Variants in GRIA1 observed in about 807,000 individuals in gnomAD.
GRIA1 encodes the protein glutamate ionotropic receptor AMPA type subunit 1.
GRIA1 carries 31 observed loss-of-function variants against 99.2 expected under a neutral mutation model. The ratio of observed to expected loss-of-function variants is 0.31; its 90% CI spans 0.23 to 0.42. GRIA1 has a LOEUF of 0.42. Ranked by LOEUF, GRIA1 falls within the 10% of genes least tolerant of loss-of-function variation. The pLI is 1.00. For synonymous variants in GRIA1, 438 were observed against 432.4 expected (o/e 1.01, Z -0.16); for missense variants, 782 against 1,157.5 (o/e 0.68, Z 4.71).
chr5:153,557,623 T>C (rs1298132146), intron 2 of GRIA1, among the ~76,000 whole-genome samples: 1 of 152,240 alleles, frequency 6.6e-6, no homozygotes, highest in East Asian at 1.9e-4. Flanking sequence ...TTTGTTACTT[T>C]TTAAACTTTT....
chr5:153,795,322 A>G (rs1383403407), intron 14 of GRIA1, among the ~76,000 whole-genome samples: 1 of 152,020 alleles, frequency 6.6e-6, no homozygotes, highest in Non-Finnish European at 1.5e-5. Flanking sequence ...GGGCAGTGAC[A>G]TGGTGGGGCG....
At chr5:153,796,140 A>G (rs1166755087) in intron 14 of GRIA1, among the ~76,000 whole-genome samples, 1 of 151,150 alleles carries the variant, frequency 6.6e-6, no homozygotes, top group East Asian at 2.0e-4. Flanking sequence ...AGGGTTCTCC[A>G]TCCAGGTACA....
intron 2 of GRIA1, among the ~76,000 whole-genome samples, chr5:153,558,840 G>A (rs534417721): frequency 2.0e-4 from 30 of 152,000 alleles, no homozygotes; most frequent in African/African-American, 6.5e-4. Flanking sequence ...AGCTTTTGTC[G>A]GATTCCCAAA....
chr5:153,759,169 A>G (rs1763016074), intron 11 of GRIA1, among the ~76,000 whole-genome samples: 1 of 151,668 alleles, frequency 6.6e-6, no homozygotes, highest in African/African-American at 2.4e-5. Context: ...AAGACCAAAA[A>G]AAAAAACAGA....
chr5:153,792,876 G>C (rs1236209370), intron 13 of GRIA1, among the ~76,000 whole-genome samples: 1 of 152,178 alleles, frequency 6.6e-6, no homozygotes, highest in African/African-American at 2.4e-5. Flanking sequence ...AATGGAAATT[G>C]CTTTCCCAGC....
chr5:153,703,039 G>A (rs1038227831), intron 10 of GRIA1, among the ~76,000 whole-genome samples: 2 of 152,212 alleles, frequency 1.3e-5, no homozygotes, highest in African/African-American at 4.8e-5. Context: ...GCTCCAGTGA[G>A]AACCTCAGTT....
At chr5:153,649,687 C>T (rs1754411796) in intron 3 of GRIA1, among the ~76,000 whole-genome samples, 1 of 152,122 alleles carries the variant, frequency 6.6e-6, no homozygotes, top group Non-Finnish European at 1.5e-5. Flanking sequence ...GTCTCAAACT[C>T]CTGACCTCAG....
intron 5 of GRIA1, among the ~76,000 whole-genome samples, chr5:153,656,161 G>A (rs998259225): frequency 1.3e-5 from 2 of 151,900 alleles, no homozygotes; most frequent in Admixed American, 1.3e-4. Flanking sequence ...TTGGCAATAG[G>A]GACAAAATCA....
intron 11 of GRIA1, among the ~76,000 whole-genome samples, chr5:153,723,575 C>T (rs531495013): frequency 1.1e-3 from 164 of 152,312 alleles, no homozygotes; most frequent in Non-Finnish European, 2.0e-3. Flanking sequence ...TAAAAAACGG[C>T]GCACCAGGAG....
At chr5:153,678,250 T>A (rs1245972553) in intron 7 of GRIA1, among the ~76,000 whole-genome samples, 1 of 152,206 alleles carries the variant, frequency 6.6e-6, no homozygotes, top group African/African-American at 2.4e-5. Context: ...TATTCCCACT[T>A]GTTTGCCAAC....
chr5:153,718,496 G>C (rs1281181745), intron 11 of GRIA1, among the ~76,000 whole-genome samples: 1 of 152,138 alleles, frequency 6.6e-6, no homozygotes, highest in Non-Finnish European at 1.5e-5. Flanking sequence ...TTGGATCCTA[G>C]CTCCAGCAGC....
At chr5:153,739,864 A>C (rs1761655259) in intron 11 of GRIA1, among the ~76,000 whole-genome samples, 1 of 152,242 alleles carries the variant, frequency 6.6e-6, no homozygotes, top group Admixed American at 6.5e-5. Flanking sequence ...ATGGCTGCTA[A>C]TTAGAACTGT....
At chr5:153,683,128 C>A (rs1757104148) in intron 7 of GRIA1, among the ~76,000 whole-genome samples, 1 of 152,162 alleles carries the variant, frequency 6.6e-6, no homozygotes, top group African/African-American at 2.4e-5. Context: ...GTGCCCAGAT[C>A]CCAGAGCTCA....
intron 2 of GRIA1, among the ~76,000 whole-genome samples, chr5:153,517,406 A>T (rs1443326232): frequency 6.6e-6 from 1 of 152,084 alleles, no homozygotes; most frequent in African/African-American, 2.4e-5. Flanking sequence ...AGGGGTAGTA[A>T]CCACTAGTGC....
At chr5:153,763,379 A>G (rs1163305969) in intron 11 of GRIA1, among the ~76,000 whole-genome samples, 1 of 152,216 alleles carries the variant, frequency 6.6e-6, no homozygotes, top group Non-Finnish European at 1.5e-5. Context: ...ATTGTTAAAT[A>G]TAGGGTTTCA....
At chr5:153,671,231 C>T (rs1756148175) in intron 5 of GRIA1, among the ~76,000 whole-genome samples, 1 of 152,154 alleles carries the variant, frequency 6.6e-6, no homozygotes, top group Non-Finnish European at 1.5e-5. Context: ...TCGGCCATTT[C>T]CTTTGGCCTC....
chr5:153,715,695 G>A (rs1759619223), intron 11 of GRIA1, among the ~76,000 whole-genome samples: 1 of 152,088 alleles, frequency 6.6e-6, no homozygotes, highest in African/African-American at 2.4e-5. Context: ...CCTCTCTGAG[G>A]GCATCTTAAA....
chr5:153,804,736 T>TTA (rs1561874919), intron 15 of GRIA1, among the ~76,000 whole-genome samples: 1,585 of 37,254 alleles, frequency 0.043, 12 homozygotes, highest in East Asian at 0.21. Context: ...TTAATTAATT[T>TTA]ATTTATTTAT....
chr5:153,665,482 T>C (rs1755678976), intron 5 of GRIA1, among the ~76,000 whole-genome samples: 2 of 152,148 alleles, frequency 1.3e-5, no homozygotes, highest in African/African-American at 2.4e-5. Context: ...TTACCAGAGA[T>C]TATATAGGGA....
Sources: allele counts gnomAD v4.1 joint callset (sites outside exome capture counted in the v4.1 genomes callset), GRCh38; gene constraint gnomAD v4.1.1; transcripts MANE v1.5; gene names NCBI Gene and HGNC (gene_info 2026-07-23, HGNC 2026-07-21).